Variants in AKAP9 observed in about 807,000 individuals in gnomAD.
AKAP9 encodes A-kinase anchor protein 9.
AKAP9 carries 311 observed loss-of-function variants against 488.5 expected under a neutral mutation model. That is an observed-to-expected ratio of 0.64 (90% CI 0.58 to 0.70). The LOEUF (loss-of-function observed/expected upper bound fraction) is 0.70, where lower values mean the gene tolerates loss of function less well. Among genes scored for constraint, AKAP9 ranks in the 30% least tolerant of loss-of-function variants. AKAP9 has a pLI of 0.00. For missense variants in AKAP9, 4,215 were observed against 4,374.5 expected, an observed-to-expected ratio of 0.96 and a Z score of 1.03; for synonymous variants, 1,462 against 1,483.5, an observed-to-expected ratio of 0.99 and a Z score of 0.33.
intron 7 of AKAP9, among the ~76,000 whole-genome samples, chr7:92,000,622 T>G (rs1001784006): frequency 6.6e-6 from 1 of 152,222 alleles, no homozygotes; most frequent in Non-Finnish European, 1.5e-5. Context: ...AGAAATTTCT[T>G]CTAAGAAGGC....
At chr7:91,957,920 A>G (rs1178275280) in intron 1 of AKAP9, among the ~76,000 whole-genome samples, 3 of 152,020 alleles carry the variant, frequency 2.0e-5, no homozygotes, top group Non-Finnish European at 2.9e-5. Context: ...CCCCTGTGCT[A>G]TTTTTTTCTG....
intron 1 of AKAP9, among the ~76,000 whole-genome samples, chr7:91,944,196 T>A (rs1232055888): frequency 1.3e-5 from 2 of 151,980 alleles, no homozygotes; most frequent in Non-Finnish European, 2.9e-5. Context: ...AATGCCAGGT[T>A]AAAAAGAAAA....
rs1033729007 is a variant in AKAP9, at chr7:92,044,891, G to A, written c.5163-117G>A. 22 of 766,932 alleles carry A rather than the reference G, an allele frequency of 2.9e-5. No homozygotes were observed. The African/African-American group carries it at 3.2e-4, about 11-fold the overall frequency. The allele number at this position is 766,932 out of a possible 1,614,324, so 47.5% of individuals were successfully genotyped here. ...ATGCTATTGGGTATTTTAATAAAAA[G>A]GATCATCTGTTATTTTTCAAATCAA... On this transcript the variant is annotated intron_variant, in intron 20 of 49. Transcript: ENST00000356239.
At chr7:92,010,508 T>A (rs1800579468) in intron 8 of AKAP9, among the ~76,000 whole-genome samples, 1 of 152,256 alleles carries the variant, frequency 6.6e-6, no homozygotes. Context: ...ACTCTTTCAC[T>A]GAATACTGGT....
intron 1 of AKAP9, among the ~76,000 whole-genome samples, chr7:91,941,882 T>TTGTGTGTGTGTGTGTGTG (rs10700954): frequency 6.8e-6 from 1 of 147,724 alleles, no homozygotes; most frequent in African/African-American, 2.5e-5. Context: ...CGAATCCTGG[T>TTGTGTGTGTGTGTGTGTG]TGTGTGTGTG....
chr7:91,987,315 A>T (rs1797223368), intron 3 of AKAP9, among the ~76,000 whole-genome samples: 1 of 152,120 alleles, frequency 6.6e-6, no homozygotes, highest in African/African-American at 2.4e-5. Flanking sequence ...GCTACTTGGG[A>T]GGCTGAGGCA....
intron 3 of AKAP9, among the ~76,000 whole-genome samples, chr7:91,986,560 T>C (rs1487702554): frequency 1.3e-5 from 2 of 152,180 alleles, no homozygotes; most frequent in African/African-American, 2.4e-5. Flanking sequence ...ATTTTAAATA[T>C]TGATTTGAAA....
chr7:91,970,111 TA>T, intron 1 of AKAP9, among the ~76,000 whole-genome samples: 1 of 152,226 alleles, frequency 6.6e-6, no homozygotes, highest in East Asian at 1.9e-4. Flanking sequence ...CCATGAGACT[TA>T]AAAAGACATA....
chr7:92,087,243 T>G (rs556522997), intron 37 of AKAP9, among the ~76,000 whole-genome samples: 26 of 152,316 alleles, frequency 1.7e-4, no homozygotes, highest in African/African-American at 6.3e-4. Context: ...GAGGATTCCC[T>G]TTAACGAAGA....
In AKAP9 at chr7:92,010,989, A is replaced by G. The variant is rs371357570; in HGVS notation, c.3319-1440A>G. ...TTTAATACATATTGGAAAAGAATCC[A>G]TAAAAAACTAATAACTCATAATTTT... is the stretch of plus-strand genomic sequence containing the variant. On this transcript the variant is annotated intron_variant, in intron 8 of 49. Transcript: ENST00000356239. Among the ~76,000 whole-genome samples, 63 of 152,344 alleles carry G rather than the reference A, an allele frequency of 4.1e-4. 1 individual carries two copies. In the South Asian group the frequency reaches 0.013, roughly 32 times the overall value.
chr7:92,094,810 C>T (rs1406671932), intron 39 of AKAP9, among the ~76,000 whole-genome samples: 1 of 152,018 alleles, frequency 6.6e-6, no homozygotes, highest in African/African-American at 2.4e-5. Context: ...TCCAGCCTGG[C>T]GACAGAGCGA....
chr7:92,035,915 A>G (rs1297168920), intron 16 of AKAP9, among the ~76,000 whole-genome samples: 1 of 148,058 alleles, frequency 6.8e-6, no homozygotes, highest in Non-Finnish European at 1.5e-5. Flanking sequence ...ATTTACCCAC[A>G]TTTTTTTTTT....
chr7:92,060,905 A>G (rs887780495), intron 22 of AKAP9, among the ~76,000 whole-genome samples: 5 of 152,310 alleles, frequency 3.3e-5, no homozygotes, highest in Admixed American at 2.6e-4. Flanking sequence ...ATAGTTACAT[A>G]AAATTCTTTG....
In AKAP9 at chr7:92,083,251, T is replaced by C. The variant is rs753148821; in HGVS notation, c.8242T>C (p.Ser2748Pro). 1.4e-5 allele frequency: 22 copies of C among 1,613,988 alleles called. No homozygotes were observed. The highest frequency in any genetic ancestry group is 1.8e-5 in the Non-Finnish European group (21 of 1,180,022). Residue 2748 changes from serine to proline, a missense_variant, in exon 33 of 50, where the codon TCC becomes CCC. Physicochemically the swap from Ser to Pro is moderately conservative, Grantham distance 74. Around this residue, in one of 5 missense-constraint regions of AKAP9, gnomAD observed 1,476 missense variants for 1,477.4 expected, o/e 1.00. Coordinates refer to ENST00000356239, the MANE Select transcript of AKAP9 (RefSeq NM_005751.5). Reference protein sequence around the residue: ...DHLAEAKEKLSILEKEDETEV... With the variant: ...DHLAEAKEKLPILEKEDETEV... The stretch of plus-strand genomic sequence containing the variant: ...CCTCGCAGAGGCAAAAGAGAAATTG[T>C]CCATTTTAGAAAAAGAAGATGAGAC...
intron 20 of AKAP9, 177 bp downstream of exon 20, chr7:92,042,948 A>G (rs1806363387): frequency 9.2e-6 from 4 of 436,232 alleles, no homozygotes; most frequent in African/African-American, 2.0e-5. Flanking sequence ...TCAGTTTTTC[A>G]TCATTAAATA....
chr7:92,057,739 G>A (rs1809036941), intron 22 of AKAP9: 1 of 222,348 alleles, frequency 4.5e-6, no homozygotes. Flanking sequence ...GTTCTGCTTT[G>A]AAGGCTTACT....
chr7:92,108,373 G>A (rs1255883746), intron 48 of AKAP9, 121 bp from the exon 49 acceptor site: 3 of 912,590 alleles, frequency 3.3e-6, no homozygotes, highest in Admixed American at 1.7e-5. Flanking sequence ...GAAGCTTGGA[G>A]GAGATACATT....
chr7:92,000,818 A>G (rs1362638872), intron 7 of AKAP9, 30 bp from the exon 8 acceptor site: 2 of 1,205,272 alleles, frequency 1.7e-6, no homozygotes, highest in Non-Finnish European at 1.1e-6. Context: ...TAAAAATGCC[A>G]TTCTTACATT....
intron 1 of AKAP9, among the ~76,000 whole-genome samples, chr7:91,953,039 A>G (rs1308870048): frequency 1.3e-5 from 2 of 152,224 alleles, no homozygotes; most frequent in Non-Finnish European, 2.9e-5. Context: ...CATTTTAGAT[A>G]GATGTATTTG....
Sources: allele counts gnomAD v4.1 joint callset (sites outside exome capture counted in the v4.1 genomes callset), GRCh38; gene constraint gnomAD v4.1.1; regional missense constraint gnomAD v4.1.1; transcripts MANE v1.5; gene names NCBI Gene and HGNC (gene_info 2026-07-23, HGNC 2026-07-21).